CSMD1: variants seen among roughly 807,000 people sequenced by gnomAD.
CSMD1 encodes CUB and sushi domain-containing protein 1.
A neutral mutation model predicts 417.5 loss-of-function variants in CSMD1; 213 were observed. The observed-to-expected ratio is 0.51, with a 90% CI of 0.46 to 0.57. The LOEUF is 0.57. Among genes scored for constraint, CSMD1 ranks in the 20% least tolerant of loss-of-function variants. The pLI is 0.00. For synonymous variants in CSMD1, 2,862 were observed against 1,736.8 expected (o/e 1.65, Z -16.11); for missense variants, 6,923 against 4,529.7 (o/e 1.53, Z -15.17).
intron 3 of CSMD1, among the ~76,000 whole-genome samples, chr8:4,290,555 G>A (rs1310024362): frequency 6.6e-6 from 1 of 152,048 alleles, no homozygotes; most frequent in African/African-American, 2.4e-5. Context: ...GATGAAGAAG[G>A]GCCATTCATA....
At position 2,955,012 on chromosome 8, in the gene CSMD1, G is replaced by C. The variant is rs142212776; in HGVS notation, c.9994+577C>G. 3.3e-5 allele frequency among the ~76,000 whole-genome samples: 5 copies of C among 152,262 alleles called. No individual in the cohort carries two copies. The East Asian group carries it at 5.8e-4, about 18-fold the overall frequency. On this transcript the variant is annotated intron_variant, in intron 64 of 69. Transcript: ENST00000635120. ...GGGAGAACCTGTAAGTGTAGCTATCGTCAAATCTGACCCAGGCTGATGACT... is the reference window on the plus strand; with the variant it reads ...GGGAGAACCTGTAAGTGTAGCTATCCTCAAATCTGACCCAGGCTGATGACT...
At position 4,833,349 on chromosome 8, in the gene CSMD1, G is replaced by C. The variant is rs574980269; in HGVS notation, c.85+160983C>G. Among the ~76,000 whole-genome samples, 44 of 152,278 alleles carry C rather than the reference G, an allele frequency of 2.9e-4. 1 individual carries two copies. Among genetic ancestry groups the C allele is most frequent in the African/African-American group, 1.1e-3 (44 of 41,552 alleles). On this transcript the variant is annotated intron_variant, in intron 1 of 69. Coordinates refer to ENST00000635120, the MANE Select transcript of CSMD1 (RefSeq NM_033225.6). ...GTGGCAGCAGAAGACAATGGTGAAG[G>C]AGGAAGTGCTACACACTTTCAGACA...
chr8:3,664,269 AGAGAAC>A (rs1208780596), intron 7 of CSMD1, among the ~76,000 whole-genome samples: 1 of 152,074 alleles, frequency 6.6e-6, no homozygotes. Flanking sequence ...CACCTATGAG[AGAGAAC>A]ATGCGGTGTT....
intron 1 of CSMD1, among the ~76,000 whole-genome samples, chr8:4,948,291 T>C (rs527916377): frequency 1.1e-4 from 16 of 152,200 alleles, no homozygotes; most frequent in African/African-American, 3.4e-4. Flanking sequence ...ATTTTTATAA[T>C]GTTAGGTATA....
intron 1 of CSMD1, among the ~76,000 whole-genome samples, chr8:4,821,091 G>A (rs560571623): frequency 1.3e-5 from 2 of 152,032 alleles, no homozygotes; most frequent in East Asian, 3.9e-4. Context: ...AGTGTAAAAA[G>A]ATACCAGATT....
chr8:3,186,371 A>C (rs917903117), intron 36 of CSMD1, among the ~76,000 whole-genome samples: 52 of 152,352 alleles, frequency 3.4e-4, no homozygotes, highest in African/African-American at 1.2e-3. Context: ...GTAATGGGCT[A>C]TTTGAAATAA....
chr8:2,997,391 G>C (rs193202575), intron 54 of CSMD1, among the ~76,000 whole-genome samples: 1 of 152,314 alleles, frequency 6.6e-6, no homozygotes, highest in African/African-American at 2.4e-5. Context: ...TCTTGTCAGA[G>C]AAAGAGACAT....
intron 3 of CSMD1, among the ~76,000 whole-genome samples, chr8:4,037,840 A>G (rs1048955871): frequency 1.3e-5 from 2 of 152,056 alleles, no homozygotes; most frequent in Non-Finnish European, 2.9e-5. Flanking sequence ...ATATTAATAT[A>G]TTATAAAGTA....
At chr8:3,978,985 T>G (rs537016680) in intron 5 of CSMD1, among the ~76,000 whole-genome samples, 1 of 152,308 alleles carries the variant, frequency 6.6e-6, no homozygotes, top group African/African-American at 2.4e-5. Flanking sequence ...AAGCTTGCAT[T>G]TTACAACAAT....
At chr8:3,892,019 C>T (rs1193946753) in intron 5 of CSMD1, among the ~76,000 whole-genome samples, 3 of 67,454 alleles carry the variant, frequency 4.4e-5, no homozygotes, top group Non-Finnish European at 5.9e-5. Context: ...ACATGATAGT[C>T]GCAAACAAAA....
intron 43 of CSMD1, 142 bp from the exon 44 acceptor site, chr8:3,108,890 A>G: frequency 1.2e-6 from 1 of 837,882 alleles, no homozygotes; most frequent in Non-Finnish European, 1.8e-6. Context: ...GTAAACATCA[A>G]GATGTTGAAT....
intron 4 of CSMD1, among the ~76,000 whole-genome samples, chr8:4,018,540 C>T (rs1375402578): frequency 1.3e-5 from 2 of 152,180 alleles, no homozygotes; most frequent in African/African-American, 4.8e-5. Context: ...CTGGGACCAG[C>T]CAGTTACCTG....
intron 5 of CSMD1, among the ~76,000 whole-genome samples, chr8:3,888,148 G>A (rs988203888): frequency 1.3e-5 from 2 of 152,134 alleles, no homozygotes; most frequent in Non-Finnish European, 2.9e-5. Context: ...AACATCATTT[G>A]TATGCAATGT....
At chr8:3,540,918 T>C (rs1798410790) in intron 10 of CSMD1, among the ~76,000 whole-genome samples, 1 of 152,238 alleles carries the variant, frequency 6.6e-6, no homozygotes, top group Non-Finnish European at 1.5e-5. Flanking sequence ...GAAACTCTTT[T>C]ACACTGTTGG....
chr8:3,162,403 C>G (rs1819953944), intron 37 of CSMD1, 126 bp from the exon 38 acceptor site: 2 of 656,108 alleles, frequency 3.0e-6, no homozygotes, highest in Non-Finnish European at 2.7e-6. Context: ...AACTCTTTCT[C>G]TTGTTATTCT....
intron 7 of CSMD1, among the ~76,000 whole-genome samples, chr8:3,684,586 C>T (rs1373513932): frequency 6.9e-6 from 1 of 145,550 alleles, no homozygotes; most frequent in Non-Finnish European, 1.5e-5. Flanking sequence ...GTTGCAGATA[C>T]TGATACAGTC....
At chr8:4,954,917 G>A (rs931139821) in intron 1 of CSMD1, among the ~76,000 whole-genome samples, 2 of 152,140 alleles carry the variant, frequency 1.3e-5, no homozygotes, top group East Asian at 1.9e-4. Context: ...TGATTGAAAT[G>A]ATCAGTGAAA....
intron 26 of CSMD1, among the ~76,000 whole-genome samples, chr8:3,250,153 A>T (rs1297221249): frequency 6.6e-6 from 1 of 152,160 alleles, no homozygotes; most frequent in Non-Finnish European, 1.5e-5. Flanking sequence ...GGTGTGGTAC[A>T]CCCATTAAGT....
At chr8:3,748,940 A>G (rs1797185698) in intron 6 of CSMD1, among the ~76,000 whole-genome samples, 1 of 152,224 alleles carries the variant, frequency 6.6e-6, no homozygotes, top group African/African-American at 2.4e-5. Flanking sequence ...TTTTATTACA[A>G]ACACTTACTT....
Sources: gnomAD v4.1 joint callset for allele counts (sites outside exome capture counted in the v4.1 genomes callset) on GRCh38, gnomAD v4.1.1 for gene constraint, MANE v1.5 for transcripts, NCBI Gene and HGNC (gene_info 2026-07-23, HGNC 2026-07-21) for gene names.